Variants in TSPAN7 observed in about 807,000 individuals in gnomAD.
TSPAN7 encodes the protein tetraspanin-7.
In TSPAN7, 1 loss-of-function variant was observed where a neutral mutation model predicts 17.6. The observed-to-expected ratio is 0.06, with a 90% CI of 0.02 to 0.27. The LOEUF is 0.27. Among genes scored for constraint, TSPAN7 ranks in the 10% least tolerant of loss-of-function variants. The pLI is 1.00. For missense variants in TSPAN7, 112 were observed against 201.7 expected (o/e 0.56, Z 2.69); for synonymous variants, 78 against 79.0 (o/e 0.99, Z 0.07).
intron 5 of TSPAN7, among the ~76,000 whole-genome samples, chrX:38,676,742 A>G (rs2069856217): frequency 8.9e-6 from 1 of 112,123 alleles, no homozygotes; most frequent in Non-Finnish European, 1.9e-5. Flanking sequence ...TAATTCAGAG[A>G]AAAAAAGATA....
At chrX:38,596,505 G>A (rs893189342) in intron 1 of TSPAN7, among the ~76,000 whole-genome samples, 1 of 111,317 alleles carries the variant, frequency 9.0e-6, no homozygotes, top group African/African-American at 3.3e-5. Flanking sequence ...TTAAACTGAA[G>A]TGCTTTTTAA....
chrX:38,676,272 G>C (rs1290430095), intron 5 of TSPAN7, among the ~76,000 whole-genome samples: 1 of 111,596 alleles, frequency 9.0e-6, no homozygotes, highest in Non-Finnish European at 1.9e-5. Flanking sequence ...TTGACAGACA[G>C]CATCTGCTTC....
intron 1 of TSPAN7, among the ~76,000 whole-genome samples, chrX:38,605,799 A>G (rs2069377908): frequency 9.0e-6 from 1 of 111,061 alleles, no homozygotes; most frequent in Non-Finnish European, 1.9e-5. Context: ...TGACAAAAAC[A>G]AGCAATGTGG....
intron 1 of TSPAN7, among the ~76,000 whole-genome samples, chrX:38,585,130 G>T (rs2069251079): frequency 9.0e-6 from 1 of 111,623 alleles, no homozygotes; most frequent in South Asian, 3.7e-4. Flanking sequence ...TCCTCAATTT[G>T]CTTTTATGAA....
At chrX:38,621,584 T>C (rs2069488710) in intron 1 of TSPAN7, among the ~76,000 whole-genome samples, 1 of 112,185 alleles carries the variant, frequency 8.9e-6, no homozygotes, top group African/African-American at 3.2e-5. Context: ...CTCATCAAAA[T>C]ATTGCAAATT....
intron 1 of TSPAN7, among the ~76,000 whole-genome samples, chrX:38,569,350 G>C (rs1476310942): frequency 9.1e-6 from 1 of 110,275 alleles, no homozygotes; most frequent in Non-Finnish European, 1.9e-5. Flanking sequence ...ATAAACCTTT[G>C]CTTAAGCTCC....
chrX:38,565,894 T>C (rs747779236), intron 1 of TSPAN7, among the ~76,000 whole-genome samples: 1 of 111,657 alleles, frequency 9.0e-6, no homozygotes, highest in South Asian at 3.8e-4. Flanking sequence ...TGGCCATAGC[T>C]GGAGGGGAGG....
At chrX:38,574,006 G>A (rs2069181840) in intron 1 of TSPAN7, among the ~76,000 whole-genome samples, 1 of 111,500 alleles carries the variant, frequency 9.0e-6, no homozygotes, top group Non-Finnish European at 1.9e-5. Flanking sequence ...CTTCTCATAC[G>A]GTACTCTTTC....
In TSPAN7 at chrX:38,623,975, A is replaced by G. The variant is rs756331788; in HGVS notation, c.82-42146A>G. On this transcript the variant is annotated intron_variant, in intron 1 of 7. Transcript: ENST00000378482. ...TGTATCTCAGTGTTAGAACTGAAAC[A>G]CAACCCACATTGTCATCCACTGTGC... 1.8e-3 allele frequency among the ~76,000 whole-genome samples: 175 copies of G among 95,367 alleles called. 1 individual carries two copies. Among genetic ancestry groups the G allele is most frequent in the African/African-American group, 6.6e-3 (165 of 25,095 alleles). The allele number at this position is 95,367 out of a possible 115,157, so 82.8% of individuals were successfully genotyped here. A position where few individuals can be genotyped will look rare whatever the true frequency, so the allele number is the denominator to read the frequency against.
chrX:38,646,452 C>T (rs186231096), intron 1 of TSPAN7: 16 of 536,744 alleles, frequency 3.0e-5, no homozygotes, highest in East Asian at 2.7e-4. Flanking sequence ...AGTGAATGCA[C>T]GTAAAACAGG....
chrX:38,623,577 C>G (rs2069501783), intron 1 of TSPAN7, among the ~76,000 whole-genome samples: 1 of 108,593 alleles, frequency 9.2e-6, no homozygotes, highest in Admixed American at 9.8e-5. Context: ...CTCATGCCAT[C>G]TCATGACTTT....
intron 1 of TSPAN7, among the ~76,000 whole-genome samples, chrX:38,633,946 C>T (rs1382509312): frequency 8.9e-6 from 1 of 111,922 alleles, no homozygotes; most frequent in Non-Finnish European, 1.9e-5. Flanking sequence ...TTGTTAAGTA[C>T]AGCCTTCAAA....
At chrX:38,642,753 C>T (rs2147436040) in intron 1 of TSPAN7, among the ~76,000 whole-genome samples, 1 of 111,865 alleles carries the variant, frequency 8.9e-6, no homozygotes, top group South Asian at 3.8e-4. Flanking sequence ...CAAATCCTGT[C>T]CCTGGCATTT....
chrX:38,583,949 C>CTTTTTTTTTTT (rs34777484), intron 1 of TSPAN7, among the ~76,000 whole-genome samples: 6 of 66,973 alleles, frequency 9.0e-5, no homozygotes, highest in Admixed American at 1.7e-4. Context: ...TTTTTCTTTT[C>CTTTTTTTTTTT]TTTTTTTTTT....
intron 6 of TSPAN7, 69 bp from the exon 7 acceptor site, chrX:38,687,530 A>T: frequency 1.1e-5 from 10 of 948,547 alleles, no homozygotes; most frequent in Non-Finnish European, 1.5e-5. Flanking sequence ...TAAAATTATT[A>T]ATTAAATATT....
intron 1 of TSPAN7, among the ~76,000 whole-genome samples, chrX:38,573,857 C>T (rs193204100): frequency 2.3e-4 from 26 of 111,445 alleles, no homozygotes; most frequent in African/African-American, 8.1e-4. Flanking sequence ...AAGAAGACCA[C>T]AGAGGTAAAG....
chrX:38,667,652 G>T (rs951048268), intron 2 of TSPAN7, among the ~76,000 whole-genome samples: 19 of 112,126 alleles, frequency 1.7e-4, no homozygotes, highest in African/African-American at 6.1e-4. Flanking sequence ...CATACAGGAG[G>T]CTGATGCCTC....
intron 1 of TSPAN7, among the ~76,000 whole-genome samples, chrX:38,604,415 A>G (rs1489627438): frequency 9.1e-6 from 1 of 109,553 alleles, no homozygotes; most frequent in Non-Finnish European, 1.9e-5. Context: ...GTCAAATGGT[A>G]TTTCTAGTTC....
chrX:38,666,460 A>G (rs988760646), intron 2 of TSPAN7, 151 bp downstream of exon 2: 10 of 608,798 alleles, frequency 1.6e-5, no homozygotes, highest in Non-Finnish European at 2.3e-5. Flanking sequence ...TTAATCCCCT[A>G]GAGGTAAAAA....
Sources: gnomAD v4.1 joint callset for allele counts (sites outside exome capture counted in the v4.1 genomes callset) on GRCh38, gnomAD v4.1.1 for gene constraint, MANE v1.5 for transcripts, NCBI Gene and HGNC (gene_info 2026-07-23, HGNC 2026-07-21) for gene names.